Variants in USP5 observed in about 807,000 individuals in gnomAD.
The protein encoded by USP5 is ubiquitin specific peptidase 5, also known as ubiquitin carboxyl-terminal hydrolase 5.
A neutral mutation model predicts 102.5 loss-of-function variants in USP5; 24 were observed. That is an observed-to-expected ratio of 0.23 (90% CI 0.17 to 0.33). The LOEUF (loss-of-function observed/expected upper bound fraction) is 0.33. USP5 is among the 10% of genes least tolerant of loss of function. The pLI is 1.00. For missense variants in USP5, 753 were observed against 1,122.1 expected (o/e 0.67, Z 4.70); for synonymous variants, 460 against 434.8 (o/e 1.06, Z -0.72).
Position 6,860,955 on chromosome 12 carries a change from G to A in USP5, c.1347G>A (p.Arg449=), listed in dbSNP as rs1555129411. ...FFLHLINMVE[R]NCRSSENPNE... ...CCTACCCTGCCTCTTTCCCATAGAG[G>A]AATTGCCGGAGCTCTGAAAATCCTA... Residue 449 remains arginine, a splice_region_variant and synonymous_variant, in exon 12 of 20, where the codon AGG becomes AGA. Transcript: ENST00000229268. The surrounding 1 kb of genome is among the most constrained non-coding windows in gnomAD (Gnocchi z 5.5). The A allele has an allele frequency of 6.2e-7, 1 of 1,614,056 alleles. No individual in the cohort carries two copies. The highest frequency in any genetic ancestry group is 1.7e-5 in the Admixed American group (1 of 60,004).
At position 6,856,239 on chromosome 12, in the gene USP5, C is replaced by T. The variant is rs1555128242; in HGVS notation, c.439-66C>T. The T allele has an allele frequency of 2.5e-6, 4 of 1,604,710 alleles. No individual in the cohort carries two copies. The Admixed American group carries it at 6.7e-5, about 27-fold the overall frequency. ...AGGCAAGCACTGACAAAGCTGAAGG[C>T]CAAGGGGAAGAGGGGCATGTGGGGC... On this transcript the variant is annotated intron_variant, in intron 4 of 19. Coordinates refer to ENST00000229268, the MANE Select transcript of USP5 (RefSeq NM_001098536.2). The surrounding 1 kb of genome is among the most constrained non-coding windows in gnomAD (Gnocchi z 5.6).
chr12:6,855,737 C>A lies in USP5; in HGVS notation c.238-18C>A. The A allele has an allele frequency of 1.2e-6, 2 of 1,614,136 alleles. No homozygotes were observed. The highest frequency in any genetic ancestry group is 8.5e-7 in the Non-Finnish European group (1 of 1,179,982). On this transcript the variant is annotated intron_variant, in intron 2 of 19. Transcript: ENST00000229268. The surrounding 1 kb of genome is among the most constrained non-coding windows in gnomAD (Gnocchi z 4.6). ...GCTCGTGCTCATTGCTGATCCAGCC[C>A]TTCCTGCTTCTTTACAGAAAGAGGA...
In USP5 at chr12:6,863,092, G is replaced by A. The variant is rs561157955; in HGVS notation, c.1763-94G>A. 1.9e-5 allele frequency: 24 copies of A among 1,282,446 alleles called. No homozygotes were observed. Among genetic ancestry groups the A allele is most frequent in the Non-Finnish European group, 2.5e-5 (24 of 944,252 alleles). 79.4% of individuals were successfully genotyped at this position (1,282,446 alleles called of 1,614,324 possible). On this transcript the variant is annotated intron_variant, in intron 14 of 19. Transcript: ENST00000229268. This position sits in a 1 kb window ranked among gnomAD's most constrained non-coding sequence, Gnocchi z 4.7. Reference sequence around the variant, plus strand: ...GTGCTTTTAGCAGCTCCTCTTTACAGAGCAGTTCTGACATAGGGGGCAGGG... The same window carrying A: ...GTGCTTTTAGCAGCTCCTCTTTACAAAGCAGTTCTGACATAGGGGGCAGGG...
rs781947549 is a variant in USP5, at chr12:6,852,844, G to A, written c.111+554G>A. ...TAAAACAGACAGGGGGCGGGGAGGG[G>A]AGGAAAGAGGAGAGGAAAGCTCTAG... On this transcript the variant is annotated intron_variant, in intron 1 of 19. Coordinates refer to ENST00000229268, the MANE Select transcript of USP5 (RefSeq NM_001098536.2). 2.0e-5 allele frequency among the ~76,000 whole-genome samples: 3 copies of A among 152,314 alleles called. No homozygotes were observed. In the East Asian group the frequency reaches 5.8e-4, roughly 29 times the overall value.
chr12:6,857,434 C>T, intron 6 of USP5, 195 bp from the exon 7 acceptor site: 1 of 531,210 alleles, frequency 1.9e-6, no homozygotes. Context: ...CACCCGGTTT[C>T]ATCTGTCTTC....
At position 6,856,913 on chromosome 12, in the gene USP5, C is replaced by G; in HGVS notation, c.769+22C>G. The stretch of plus-strand genomic sequence containing the variant: ...GCTGGTACAGCCTCCCCTCCTCCAG[C>G]CACTCTCATGCTTAAATATATTTCA... On this transcript the variant is annotated intron_variant, in intron 6 of 19. Coordinates refer to ENST00000229268, the MANE Select transcript of USP5 (RefSeq NM_001098536.2). The surrounding 1 kb of genome is among the most constrained non-coding windows in gnomAD (Gnocchi z 5.6). The G allele has an allele frequency of 6.2e-7, 1 of 1,609,030 alleles. No homozygotes were observed. The highest frequency in any genetic ancestry group is 8.5e-7 in the Non-Finnish European group (1 of 1,176,478).
chr12:6,865,406 G>C (rs775299694), intron 19 of USP5, among the ~76,000 whole-genome samples, 158 bp downstream of exon 19: 4 of 152,172 alleles, frequency 2.6e-5, no homozygotes, highest in Non-Finnish European at 5.9e-5. Flanking sequence ...GCAGTGATTG[G>C]CCCAAGGGTT....
At chr12:6,852,872 G>T (rs1165065850) in intron 1 of USP5, among the ~76,000 whole-genome samples, 1 of 152,172 alleles carries the variant, frequency 6.6e-6, no homozygotes, top group Admixed American at 6.5e-5. Context: ...AGCTCTAGTC[G>T]TTTCTCCTTT....
chr12:6,859,147 C>T (rs917261426), intron 8 of USP5, among the ~76,000 whole-genome samples: 5 of 152,182 alleles, frequency 3.3e-5, no homozygotes, highest in African/African-American at 4.8e-5. Flanking sequence ...AGTTTACTTT[C>T]GAATTTGGGG....
intron 7 of USP5, 140 bp downstream of exon 7, chr12:6,857,863 T>A: frequency 1.4e-6 from 1 of 735,898 alleles, no homozygotes; most frequent in Admixed American, 2.7e-5. Flanking sequence ...CTTTTAAATA[T>A]CTAAAATCAT....
chr12:6,861,505 G>C lies in USP5; in HGVS notation c.1561G>C (p.Glu521Gln), dbSNP rs1360610439. The C allele has an allele frequency of 1.9e-6, 3 of 1,601,294 alleles. No individual in the cohort carries two copies. Among genetic ancestry groups the C allele is most frequent in the Non-Finnish European group, 2.6e-6 (3 of 1,169,896 alleles). ...CGAAGAGGAGAAGATGGCACTGCCA[G>C]AACTGGTTCGGGCCCAGGTGCCCTT... Reference protein sequence around the residue: ...QAEEEKMALPELVRAQVPFSS... With the variant: ...QAEEEKMALPQLVRAQVPFSS... The change falls in exon 13 of 20, where the codon GAA becomes CAA. Residue 521 changes from glutamate (E) to glutamine (Q), a missense_variant. Physicochemically the swap from Glu to Gln is conservative, Grantham distance 29. Transcript: ENST00000229268. The surrounding 1 kb of genome is among the most constrained non-coding windows in gnomAD (Gnocchi z 4.9).
At position 6,855,111 on chromosome 12, in the gene USP5, G is replaced by A. The variant is rs1162663288; in HGVS notation, c.112-290G>A. Among the ~76,000 whole-genome samples, 1 of 152,144 alleles carries A rather than the reference G, an allele frequency of 6.6e-6. No homozygotes were observed. Among genetic ancestry groups the A allele is most frequent in the South Asian group, 2.1e-4 (1 of 4,830 alleles). On this transcript the variant is annotated intron_variant, in intron 1 of 19. Coordinates refer to ENST00000229268, the MANE Select transcript of USP5 (RefSeq NM_001098536.2). This position sits in a 1 kb window ranked among gnomAD's most constrained non-coding sequence, Gnocchi z 4.6. ...CTCCAAAGCCCAAGAAGGAGCAGGT[G>A]GAAAGATAAATGGTGACTGGTGTTG...
chr12:6,857,486 T>C (rs782228614), intron 6 of USP5, 143 bp from the exon 7 acceptor site: 4 of 655,870 alleles, frequency 6.1e-6, no homozygotes, highest in African/African-American at 1.8e-5. Context: ...GCACTCATAT[T>C]ACTCATATTC....
At position 6,864,775 on chromosome 12, in the gene USP5, G is replaced by C. The variant is rs1439795241; in HGVS notation, c.2298G>C (p.Leu766=). The C allele has an allele frequency of 1.9e-6, 3 of 1,613,538 alleles. No individual in the cohort carries two copies. Among genetic ancestry groups the C allele is most frequent in the Non-Finnish European group, 1.7e-6 (2 of 1,180,048 alleles). Residue 766 remains leucine (L), a synonymous_variant, in exon 18 of 20, where the codon CTG becomes CTC. Transcript: ENST00000229268. The surrounding 1 kb of genome is among the most constrained non-coding windows in gnomAD (Gnocchi z 4.8). ...GGATCTTCAGTCACATTGACGACCT[G>C]GATGCTGAAGCTGCCATGGACATCT... ...VDWIFSHIDD[L]DAEAAMDISE... is the part of the protein sequence containing the mutation.
chr12:6,852,375 A>G, intron 1 of USP5, 85 bp downstream of exon 1: 6 of 1,353,726 alleles, frequency 4.4e-6, no homozygotes, highest in South Asian at 1.3e-5. Context: ...GGCTTGGGCT[A>G]CCGCCTCCCT....
chr12:6,853,836 C>T (rs1371559225), intron 1 of USP5, among the ~76,000 whole-genome samples: 1 of 152,202 alleles, frequency 6.6e-6, no homozygotes, highest in South Asian at 2.1e-4. Flanking sequence ...TCTATTTGTT[C>T]ATGAACTTGC....
chr12:6,861,135 C>G lies in USP5; in HGVS notation c.1498+29C>G. On this transcript the variant is annotated intron_variant, in intron 12 of 19. Coordinates refer to ENST00000229268, the MANE Select transcript of USP5 (RefSeq NM_001098536.2). This position sits in a 1 kb window ranked among gnomAD's most constrained non-coding sequence, Gnocchi z 4.9. Reference sequence around the variant, plus strand: ...GGCTGCTCCATCAGCAAGGCCGTGGCACGGTGGGAGGCTAAGGTCTAGGAG... The same window carrying G: ...GGCTGCTCCATCAGCAAGGCCGTGGGACGGTGGGAGGCTAAGGTCTAGGAG... The G allele has an allele frequency of 6.2e-7, 1 of 1,612,726 alleles. No individual in the cohort carries two copies. Among genetic ancestry groups the G allele is most frequent in the Non-Finnish European group, 8.5e-7 (1 of 1,179,296 alleles).
In USP5 at chr12:6,856,977, T is replaced by C. The variant is rs1555128485; in HGVS notation, c.769+86T>C. On this transcript the variant is annotated intron_variant, in intron 6 of 19. Coordinates refer to ENST00000229268, the MANE Select transcript of USP5 (RefSeq NM_001098536.2). This position sits in a 1 kb window ranked among gnomAD's most constrained non-coding sequence, Gnocchi z 5.6. ...TCGTGTGACATGTATAATACATGAA[T>C]GCATTATCTTGATAAGAAAGGAAAG... 1.4e-6 allele frequency: 2 copies of C among 1,464,700 alleles called. No homozygotes were observed. Among genetic ancestry groups the C allele is most frequent in the Non-Finnish European group, 1.8e-6 (2 of 1,091,434 alleles). 90.7% of individuals were successfully genotyped at this position (1,464,700 alleles called of 1,614,324 possible).
Position 6,852,191 on chromosome 12 carries a change from G to T in USP5, c.12G>T (p.Leu4=), listed in dbSNP as rs781933877. The T allele has an allele frequency of 1.6e-5, 25 of 1,611,694 alleles. No homozygotes were observed. The South Asian group carries it at 2.8e-4, about 18-fold the overall frequency. Residue 4 remains leucine, a synonymous_variant, in exon 1 of 20, where the codon CTG becomes CTT. Coordinates refer to ENST00000229268, the MANE Select transcript of USP5 (RefSeq NM_001098536.2). ...CTGCTGCCGGTGTCATGGCGGAGCTGAGTGAGGAGGCGCTGCTGTCAGTAT... is the reference window on the plus strand; with the variant it reads ...CTGCTGCCGGTGTCATGGCGGAGCTTAGTGAGGAGGCGCTGCTGTCAGTAT... MAE[L]SEEALLSVLP...
Sources: gnomAD v4.1 joint callset for allele counts (sites outside exome capture counted in the v4.1 genomes callset) on GRCh38, gnomAD v4.1.1 for gene constraint, Gnocchi (gnomAD v3.1) non-coding constraint, MANE v1.5 for transcripts, NCBI Gene and HGNC (gene_info 2026-07-23, HGNC 2026-07-21) for gene names.